The following VEPH1 variants were observed in gnomAD, a reference collection of about 807,000 sequenced individuals.
VEPH1 encodes ventricular zone-expressed PH domain-containing protein homolog 1.
VEPH1 carries 80 observed loss-of-function variants against 85.2 expected under a neutral mutation model. That is an observed-to-expected ratio of 0.94 (90% CI 0.78 to 1.13). The LOEUF (loss-of-function observed/expected upper bound fraction) is 1.13. Among genes scored for constraint, VEPH1 ranks in the 50% most tolerant of loss-of-function variants. VEPH1 has a pLI of 0.00. For missense variants in VEPH1, 955 were observed against 980.5 expected (o/e 0.97, Z 0.35); for synonymous variants, 297 against 348.0 (o/e 0.85, Z 1.63).
At chr3:157,336,868 G>A (rs976234487) in intron 9 of VEPH1, among the ~76,000 whole-genome samples, 1 of 152,130 alleles carries the variant, frequency 6.6e-6, no homozygotes. Context: ...CTACTACAAT[G>A]GCAGAATTGA....
intron 5 of VEPH1, among the ~76,000 whole-genome samples, chr3:157,427,661 T>C (rs1262160635): frequency 6.6e-6 from 1 of 151,764 alleles, no homozygotes. Flanking sequence ...CACCATGTTG[T>C]CCAGGCTGGC....
At chr3:157,349,645 C>T (rs1023840232) in intron 9 of VEPH1, among the ~76,000 whole-genome samples, 2 of 152,014 alleles carry the variant, frequency 1.3e-5, no homozygotes, top group Non-Finnish European at 2.9e-5. Context: ...AAAGATGCTA[C>T]CAAAAAACTC....
intron 1 of VEPH1, among the ~76,000 whole-genome samples, chr3:157,501,288 C>A (rs1341354771): frequency 1.3e-5 from 2 of 152,124 alleles, no homozygotes; most frequent in African/African-American, 4.8e-5. Context: ...TTTTTGGCAA[C>A]CTTATCTTGT....
chr3:157,347,259 T>C (rs1188282233), intron 9 of VEPH1, among the ~76,000 whole-genome samples: 4 of 152,004 alleles, frequency 2.6e-5, no homozygotes, highest in South Asian at 4.1e-4. Context: ...AAAATAAAAA[T>C]TCAGTAGAAA....
chr3:157,442,978 A>C, intron 4 of VEPH1: 1 of 1,585,948 alleles, frequency 6.3e-7, no homozygotes, highest in Non-Finnish European at 8.6e-7. Flanking sequence ...TATGTTTCAT[A>C]AATGTTGTGA....
intron 9 of VEPH1, among the ~76,000 whole-genome samples, chr3:157,344,799 A>C (rs1053262220): frequency 5.3e-5 from 8 of 152,208 alleles, no homozygotes; most frequent in Admixed American, 5.2e-4. Flanking sequence ...CAATAACCAA[A>C]ACATCATGGT....
chr3:157,426,450 G>C (rs1402802932), intron 5 of VEPH1, among the ~76,000 whole-genome samples: 1 of 152,158 alleles, frequency 6.6e-6, no homozygotes, highest in Non-Finnish European at 1.5e-5. Context: ...AATCAAAATA[G>C]AGAAATTGTT....
intron 6 of VEPH1, among the ~76,000 whole-genome samples, chr3:157,412,855 A>G (rs1731632780): frequency 6.6e-6 from 1 of 152,162 alleles, no homozygotes; most frequent in Admixed American, 6.6e-5. Flanking sequence ...TAATTCTCAG[A>G]AGAAATATAA....
At chr3:157,266,118 C>T (rs1713608876) in intron 12 of VEPH1, among the ~76,000 whole-genome samples, 1 of 149,746 alleles carries the variant, frequency 6.7e-6, no homozygotes, top group Non-Finnish European at 1.5e-5. Flanking sequence ...TGCTTTATGA[C>T]ACATGAACTG....
In VEPH1 at chr3:157,364,329, T is replaced by C; in HGVS notation, c.1311A>G (p.Glu437=). Residue 437 remains glutamate, a synonymous_variant, in exon 8 of 14, where the codon GAA becomes GAG. Coordinates refer to ENST00000362010, the MANE Select transcript of VEPH1 (RefSeq NM_001167912.2). ...RRYSLGQVSK[E]ERKNIRFNRS... Reference sequence around the variant, plus strand: ...TGTTAAATCTAATGTTTTTTCTTTCTTCTTTAGAAACTTGGCCCAGACTAT... The same window carrying C: ...TGTTAAATCTAATGTTTTTTCTTTCCTCTTTAGAAACTTGGCCCAGACTAT... The C allele has an allele frequency of 6.2e-7, 1 of 1,612,904 alleles. No individual in the cohort carries two copies. The highest frequency in any genetic ancestry group is 8.5e-7 in the Non-Finnish European group (1 of 1,179,638).
intron 6 of VEPH1, among the ~76,000 whole-genome samples, chr3:157,392,895 AC>A (rs1288924644): frequency 1.3e-5 from 2 of 152,046 alleles, no homozygotes; most frequent in African/African-American, 2.4e-5. Context: ...TATTGGTATA[AC>A]CCCCAGCCTG....
chr3:157,347,593 C>T (rs1724370682), intron 9 of VEPH1, among the ~76,000 whole-genome samples: 1 of 152,146 alleles, frequency 6.6e-6, no homozygotes, highest in Non-Finnish European at 1.5e-5. Context: ...GCAAGTGCAG[C>T]GGGGGAGTAG....
At chr3:157,274,023 C>T (rs1190193321) in intron 12 of VEPH1, among the ~76,000 whole-genome samples, 1 of 152,182 alleles carries the variant, frequency 6.6e-6, no homozygotes, top group African/African-American at 2.4e-5. Context: ...TGCCACTTAC[C>T]AGCTGACTGG....
At chr3:157,479,898 T>A (rs576696772) in intron 2 of VEPH1, among the ~76,000 whole-genome samples, 1 of 152,246 alleles carries the variant, frequency 6.6e-6, no homozygotes, top group Non-Finnish European at 1.5e-5. Flanking sequence ...CTATTATTTT[T>A]ATTTCCCTTA....
intron 12 of VEPH1, among the ~76,000 whole-genome samples, chr3:157,279,591 G>C (rs372507517): frequency 6.6e-6 from 1 of 152,110 alleles, no homozygotes; most frequent in African/African-American, 2.4e-5. Flanking sequence ...GTTGGAAGGG[G>C]AATATTGAAT....
At chr3:157,437,413 C>A in intron 4 of VEPH1, 1 of 1,403,318 alleles carries the variant, frequency 7.1e-7, no homozygotes. Flanking sequence ...ATGCCAGGAA[C>A]GGGCTGCAAC....
At chr3:157,427,753 C>T (rs868662337) in intron 5 of VEPH1, among the ~76,000 whole-genome samples, 2 of 152,208 alleles carry the variant, frequency 1.3e-5, no homozygotes, top group Non-Finnish European at 2.9e-5. Flanking sequence ...CCATGCTCTG[C>T]CTGTGATGGT....
At chr3:157,472,397 T>G (rs1178673084) in intron 2 of VEPH1, among the ~76,000 whole-genome samples, 1 of 152,240 alleles carries the variant, frequency 6.6e-6, no homozygotes, top group Non-Finnish European at 1.5e-5. Flanking sequence ...GAATAATTCA[T>G]TTCCTAGTAA....
intron 12 of VEPH1, among the ~76,000 whole-genome samples, 185 bp from the exon 13 acceptor site, chr3:157,265,847 C>G (rs1212801346): frequency 6.6e-6 from 1 of 151,890 alleles, no homozygotes; most frequent in Non-Finnish European, 1.5e-5. Flanking sequence ...TCAGATATGA[C>G]AATGGAAAAC....
Sources: gnomAD v4.1 joint callset for allele counts (sites outside exome capture counted in the v4.1 genomes callset) on GRCh38, gnomAD v4.1.1 for gene constraint, MANE v1.5 for transcripts, NCBI Gene and HGNC (gene_info 2026-07-23, HGNC 2026-07-21) for gene names.